The following NUMA1 variants were observed in gnomAD, a reference collection of about 807,000 sequenced individuals.
NUMA1 encodes the protein SP-H antigen.
In NUMA1, 62 loss-of-function variants were observed where a neutral mutation model predicts 237.1. The ratio of observed to expected loss-of-function variants is 0.26; its 90% CI spans 0.21 to 0.32. The LOEUF is 0.32. Ranked by LOEUF, NUMA1 falls within the 10% of genes least tolerant of loss-of-function variation. NUMA1 has a pLI of 1.00. For synonymous variants in NUMA1, 1,028 were observed against 1,066.1 expected (o/e 0.96, Z 0.70); for missense variants, 2,533 against 2,666.5 (o/e 0.95, Z 1.10).
In NUMA1 at chr11:72,014,901, T is replaced by C. The variant is rs760234957; in HGVS notation, c.2602A>G (p.Ser868Gly). The C allele has an allele frequency of 1.9e-6, 3 of 1,614,114 alleles. No homozygotes were observed. Among genetic ancestry groups the C allele is most frequent in the Non-Finnish European group, 2.5e-6 (3 of 1,180,046 alleles). Reference protein sequence around the residue: ...GIESHSELQISRQQNELAELH... With the variant: ...GIESHSELQIGRQQNELAELH... ...TCAGCTAGTTCGTTCTGCTGCCGGC[T>C]TATCTGGAGCTCGCTGTGGGATTCT... The change falls in exon 15 of 27, where the codon AGC becomes GGC. Residue 868 changes from serine to glycine, a missense_variant. By Grantham distance (56) the Ser-to-Gly change is moderately conservative. Around this residue, in one of 3 missense-constraint regions of NUMA1, gnomAD observed 1,414 missense variants for 1,508.1 expected, o/e 0.94. Transcript: ENST00000393695. This position sits in a 1 kb window ranked among gnomAD's most constrained non-coding sequence, Gnocchi z 4.6.
In NUMA1 at chr11:72,018,444, C is replaced by T. The variant is rs747509777; in HGVS notation, c.812G>A (p.Ser271Asn). 1 of 1,614,168 alleles carries T rather than the reference C, an allele frequency of 6.2e-7. No homozygotes were observed. Among genetic ancestry groups the T allele is most frequent in the South Asian group, 1.1e-5 (1 of 91,082 alleles). Residue 271 changes from serine (S) to asparagine (N), a missense_variant, in exon 11 of 27, where the codon AGC (serine) becomes AAC (asparagine). This residue lies in a region of NUMA1 where 1,414 missense variants were observed against 1,508.1 expected (regional missense o/e 0.94). Coordinates refer to ENST00000393695, the MANE Select transcript of NUMA1 (RefSeq NM_006185.4). Reference protein sequence around the residue: ...LALLNEKQAASPLEPKELEEL... With the variant: ...LALLNEKQAANPLEPKELEEL... ...CTCAAGCTCCTTGGGCTCCAGTGGG[C>T]TGGCCGCCTGCTTCTCATTCAGCAG...
Position 72,014,971 on chromosome 11 carries a change from C to G in NUMA1, c.2532G>C (p.Lys844Asn). The G allele has an allele frequency of 6.2e-7, 1 of 1,613,982 alleles. No individual in the cohort carries two copies. Among genetic ancestry groups the G allele is most frequent in the Non-Finnish European group, 8.5e-7 (1 of 1,180,016 alleles). The change falls in exon 15 of 27, where the codon AAG (lysine) becomes AAC (asparagine). Residue 844 changes from lysine (K) to asparagine (N), a missense_variant. By Grantham distance (94) the Lys-to-Asn change is moderately conservative. Around this residue, in one of 3 missense-constraint regions of NUMA1, gnomAD observed 1,414 missense variants for 1,508.1 expected, o/e 0.94. Coordinates refer to ENST00000393695, the MANE Select transcript of NUMA1 (RefSeq NM_006185.4). This position sits in a 1 kb window ranked among gnomAD's most constrained non-coding sequence, Gnocchi z 4.6. ...QLMTLKEECE[K>N]ARQELQEAKE... Reference sequence around the variant, plus strand: ...TTGCCTCCTGCAGCTCCTGGCGGGCCTTCTCACATTCCTCCTTCAAAGTCA... The same window carrying G: ...TTGCCTCCTGCAGCTCCTGGCGGGCGTTCTCACATTCCTCCTTCAAAGTCA...
chr11:72,024,227 G>A (rs969461936), intron 5 of NUMA1, 47 bp downstream of exon 5: 7 of 1,567,342 alleles, frequency 4.5e-6, no homozygotes, highest in African/African-American at 2.7e-5. Flanking sequence ...CCAATCCCAC[G>A]AGCTGAGGAA....
At chr11:72,080,260 T>C (rs1281011721) in intron 1 of NUMA1, 198 bp downstream of exon 1, 2 of 78,892 alleles carry the variant, frequency 2.5e-5, no homozygotes, top group Non-Finnish European at 4.7e-5. Context: ...CCCTCCCCTT[T>C]AAGGCACCCC....
chr11:72,059,126 G>A (rs191634117), intron 2 of NUMA1, among the ~76,000 whole-genome samples: 4 of 152,244 alleles, frequency 2.6e-5, no homozygotes, highest in Non-Finnish European at 4.4e-5. Flanking sequence ...TCCTAAGCAT[G>A]TACACATACA....
chr11:72,025,399 G>A (rs987947072), intron 4 of NUMA1, among the ~76,000 whole-genome samples: 21 of 151,878 alleles, frequency 1.4e-4, no homozygotes, highest in Admixed American at 8.5e-4. Flanking sequence ...GCAACAGAGC[G>A]AGATTCTGTC....
rs561478999 is a variant in NUMA1, at chr11:72,010,649, G to A, written c.4719+137C>T. On this transcript the variant is annotated intron_variant, in intron 17 of 26. Coordinates refer to ENST00000393695, the MANE Select transcript of NUMA1 (RefSeq NM_006185.4). ...AGAAGACACATGCAGGGGCTTCTAAGCCACAGGCTTCCTAGGAGGGCTACC... is the reference window on the plus strand; with the variant it reads ...AGAAGACACATGCAGGGGCTTCTAAACCACAGGCTTCCTAGGAGGGCTACC... 2.0e-5 allele frequency: 16 copies of A among 819,664 alleles called. No individual in the cohort carries two copies. In the East Asian group the frequency reaches 4.1e-4, roughly 21 times the overall value. 50.8% of individuals were successfully genotyped at this position (819,664 alleles called of 1,614,324 possible). A position where few individuals can be genotyped will look rare whatever the true frequency, so the allele number is the denominator to read the frequency against.
intron 1 of NUMA1, among the ~76,000 whole-genome samples, chr11:72,076,143 G>A (rs1293832021): frequency 6.6e-6 from 1 of 152,200 alleles, no homozygotes; most frequent in Non-Finnish European, 1.5e-5. Context: ...GGAGGCTGAG[G>A]TGGGTGGATT....
chr11:72,017,862 AGTCAAC>A (rs11278712), intron 12 of NUMA1, 35 bp from the exon 13 acceptor site: 1,471,060 of 1,590,272 alleles, frequency 0.93, 682,422 homozygotes, highest in Non-Finnish European at 0.95. Context: ...CATCACCCAG[AGTCAAC>A]GCTGACCCCA....
At chr11:72,017,460 T>C (rs931701471) in intron 13 of NUMA1, 7 of 569,840 alleles carry the variant, frequency 1.2e-5, no homozygotes, top group East Asian at 1.2e-4. Context: ...AGAGATAGGA[T>C]TGAAAGGTGT....
rs1291244157 is a variant in NUMA1 at position 72,014,692 on chromosome 11, T to C, written c.2811A>G (p.Leu937=). The C allele has an allele frequency of 3.7e-6, 6 of 1,613,776 alleles. No homozygotes were observed. The South Asian group carries it at 5.5e-5, about 15-fold the overall frequency. ...GEQQETASRE[L]VKEPARAGDR... Reference sequence around the variant, plus strand: ...CTCCTGCCCTCGCAGGCTCCTTGACTAACTCCCGGGAGGCTGTTTCCTGCT... The same window carrying C: ...CTCCTGCCCTCGCAGGCTCCTTGACCAACTCCCGGGAGGCTGTTTCCTGCT... Residue 937 remains leucine (L), a synonymous_variant, in exon 15 of 27, where the codon TTA becomes TTG. Transcript: ENST00000393695. The surrounding 1 kb of genome is among the most constrained non-coding windows in gnomAD (Gnocchi z 4.6).
At chr11:72,052,496 G>A (rs766746725) in intron 2 of NUMA1, among the ~76,000 whole-genome samples, 5 of 152,110 alleles carry the variant, frequency 3.3e-5, no homozygotes, top group African/African-American at 4.8e-5. Flanking sequence ...GGCCAGGGGC[G>A]GTGGCTCACG....
At chr11:72,004,885 C>G in intron 23 of NUMA1, 69 bp from the exon 24 acceptor site, 1 of 1,433,866 alleles carries the variant, frequency 7.0e-7, no homozygotes, top group Middle Eastern at 2.1e-4. Flanking sequence ...TGGGGCTGTC[C>G]CAGAACTCTA....
intron 20 of NUMA1, 107 bp downstream of exon 20, chr11:72,008,581 T>A (rs1407926899): frequency 1.5e-6 from 2 of 1,302,080 alleles, no homozygotes; most frequent in Non-Finnish European, 2.2e-6. Flanking sequence ...TCGTTATTCT[T>A]CTCTAAGAAT....
chr11:72,016,173 C>A lies in NUMA1; in HGVS notation c.1330G>T (p.Gly444Cys). The change falls in exon 15 of 27, where the codon GGC becomes TGC. Residue 444 changes from glycine (G) to cysteine (C), a missense_variant. This residue lies in a region of NUMA1 where 1,414 missense variants were observed against 1,508.1 expected (regional missense o/e 0.94). Coordinates refer to ENST00000393695, the MANE Select transcript of NUMA1 (RefSeq NM_006185.4). ...GCAAGCAGCTTGGCTTCCTGCTGGC[C>A]TCGCTCAGTCTCCAGCATCTCTACC... ...ARVEMLETER[G>C]QQEAKLLAER... 1 of 1,613,710 alleles carries A rather than the reference C, an allele frequency of 6.2e-7. No homozygotes were observed. Among genetic ancestry groups the A allele is most frequent in the Non-Finnish European group, 8.5e-7 (1 of 1,179,816 alleles).
At chr11:72,025,480 C>T (rs1438258133) in intron 4 of NUMA1, among the ~76,000 whole-genome samples, 1 of 152,086 alleles carries the variant, frequency 6.6e-6, no homozygotes, top group African/African-American at 2.4e-5. Context: ...CAGCCTTCAA[C>T]CTAGTGGGGG....
chr11:72,074,062 C>T (rs1020263846), intron 1 of NUMA1, among the ~76,000 whole-genome samples: 2 of 151,960 alleles, frequency 1.3e-5, no homozygotes, highest in East Asian at 1.9e-4. Context: ...GGCTTGGTGG[C>T]GCATGCCTGT....
intron 2 of NUMA1, among the ~76,000 whole-genome samples, chr11:72,056,522 AT>A (rs1314592484): frequency 6.7e-6 from 1 of 149,846 alleles, no homozygotes; most frequent in African/African-American, 2.5e-5. Context: ...GGGTTTTACT[AT>A]GTTGGCCAGG....
At chr11:72,062,342 A>G (rs1404674655) in intron 2 of NUMA1, among the ~76,000 whole-genome samples, 1 of 139,172 alleles carries the variant, frequency 7.2e-6, no homozygotes, top group African/African-American at 2.6e-5. Context: ...ATAATGGTTA[A>G]AAAAAAAAAG....
Sources: allele counts gnomAD v4.1 joint callset (sites outside exome capture counted in the v4.1 genomes callset), GRCh38; gene constraint gnomAD v4.1.1; regional missense constraint gnomAD v4.1.1; non-coding constraint Gnocchi (gnomAD v3.1); transcripts MANE v1.5; gene names NCBI Gene and HGNC (gene_info 2026-07-23, HGNC 2026-07-21).